Variants in FLVCR2 observed in about 807,000 individuals in gnomAD.
The protein encoded by FLVCR2 is FLVCR choline and putative heme transporter 2.
Under a neutral mutation model 48.9 loss-of-function variants are expected in FLVCR2, and 38 were observed. The ratio of observed to expected loss-of-function variants is 0.78; its 90% CI spans 0.60 to 1.02. FLVCR2 has a LOEUF of 1.02. FLVCR2 is among the 50% of genes least tolerant of loss of function. The probability of loss-of-function intolerance (pLI) is 0.00; values close to 1 mark genes in which losing one functional copy is unlikely to be tolerated. For missense variants in FLVCR2, 664 were observed against 663.3 expected, an observed-to-expected ratio of 1.00 and a Z score of -0.01; for synonymous variants, 255 against 257.0, an observed-to-expected ratio of 0.99 and a Z score of 0.07.
At chr14:75,587,715 A>T (rs10133560) in intron 1 of FLVCR2, among the ~76,000 whole-genome samples, 116,457 of 152,150 alleles carry the variant, frequency 0.77, 45,553 homozygotes, top group African/African-American at 0.94. Flanking sequence ...GGGTTTTAAG[A>T]GATATGCACA....
intron 1 of FLVCR2, among the ~76,000 whole-genome samples, chr14:75,596,919 A>G (rs1165039875): frequency 1.3e-5 from 2 of 151,814 alleles, no homozygotes; most frequent in Admixed American, 1.3e-4. Context: ...TGTTTTTTAA[A>G]TGCTGGTAAC....
At chr14:75,619,194 T>C (rs1436224218) in intron 1 of FLVCR2, among the ~76,000 whole-genome samples, 1 of 152,046 alleles carries the variant, frequency 6.6e-6, no homozygotes, top group Non-Finnish European at 1.5e-5. Context: ...GCCACTGCAC[T>C]CCGTCCTGGT....
chr14:75,613,612 C>G (rs533122295), intron 1 of FLVCR2, among the ~76,000 whole-genome samples: 1 of 152,060 alleles, frequency 6.6e-6, no homozygotes, highest in African/African-American at 2.4e-5. Context: ...AGTGCAGTGG[C>G]ACATCTTGGC....
At chr14:75,598,073 G>T (rs1462477513) in intron 1 of FLVCR2, among the ~76,000 whole-genome samples, 4 of 151,510 alleles carry the variant, frequency 2.6e-5, no homozygotes, top group African/African-American at 4.9e-5. Context: ...TTGAACTCCT[G>T]GCCTCAAGTT....
At chr14:75,623,475 A>G (rs1160196742) in intron 2 of FLVCR2, among the ~76,000 whole-genome samples, 1 of 152,064 alleles carries the variant, frequency 6.6e-6, no homozygotes, top group African/African-American at 2.4e-5. Flanking sequence ...CTAATACTTG[A>G]AAGTTCCACC....
chr14:75,635,067 C>A, intron 5 of FLVCR2, 54 bp downstream of exon 5: 1 of 1,178,306 alleles, frequency 8.5e-7, no homozygotes, highest in African/African-American at 1.5e-5. Context: ...TTTGAAATGA[C>A]ATATTCATAA....
At chr14:75,605,583 A>T in intron 1 of FLVCR2, 1 of 1,536,120 alleles carries the variant, frequency 6.5e-7, no homozygotes, top group Non-Finnish European at 8.7e-7. Context: ...GAGCGCAGAT[A>T]ACAGCAGCAC....
chr14:75,645,435 G>T (rs1566799445), intron 9 of FLVCR2, among the ~76,000 whole-genome samples: 1 of 152,158 alleles, frequency 6.6e-6, no homozygotes, highest in Non-Finnish European at 1.5e-5. Flanking sequence ...CAGGTTGGCA[G>T]TATGTACCTA....
chr14:75,616,126 A>G (rs1168769693), intron 1 of FLVCR2, among the ~76,000 whole-genome samples: 1 of 151,308 alleles, frequency 6.6e-6, no homozygotes, highest in Non-Finnish European at 1.5e-5. Flanking sequence ...ACCACTTGAG[A>G]CCAGCCTAGG....
intron 1 of FLVCR2, among the ~76,000 whole-genome samples, chr14:75,591,756 A>AAGC (rs1888886305): frequency 6.8e-6 from 1 of 148,064 alleles, no homozygotes; most frequent in Non-Finnish European, 1.5e-5. Context: ...TGGCTCCCCC[A>AAGC]CATGGCAGGT....
intron 1 of FLVCR2, among the ~76,000 whole-genome samples, chr14:75,608,972 C>A (rs1462596502): frequency 6.6e-6 from 1 of 152,166 alleles, no homozygotes; most frequent in Non-Finnish European, 1.5e-5. Flanking sequence ...TGAATTGCAT[C>A]CCCTCCAGCC....
intron 6 of FLVCR2, among the ~76,000 whole-genome samples, chr14:75,639,986 C>T (rs1043592142): frequency 3.3e-5 from 5 of 152,094 alleles, no homozygotes; most frequent in South Asian, 2.1e-4. Flanking sequence ...TTGCCGGGTG[C>T]GGTGGCTTAA....
chr14:75,622,009 T>C (rs1229023043), intron 1 of FLVCR2, 70 bp from the exon 2 acceptor site: 2 of 1,475,934 alleles, frequency 1.4e-6, no homozygotes, highest in Non-Finnish European at 1.9e-6. Flanking sequence ...TTATTAGGAA[T>C]CTCTTTACAT....
chr14:75,633,504 G>T (rs1890094831), intron 3 of FLVCR2, 125 bp from the exon 4 acceptor site: 2 of 801,466 alleles, frequency 2.5e-6, no homozygotes, highest in Admixed American at 3.5e-5. Flanking sequence ...TCTTCTCTGA[G>T]GATACTGCTC....
At chr14:75,635,060 G>C in intron 5 of FLVCR2, 47 bp downstream of exon 5, 1 of 1,228,574 alleles carries the variant, frequency 8.1e-7, no homozygotes, top group Non-Finnish European at 1.2e-6. Flanking sequence ...CCTGTTTTTT[G>C]AAATGACATA....
At chr14:75,622,418 T>C (rs1308871234) in intron 2 of FLVCR2, among the ~76,000 whole-genome samples, 198 bp downstream of exon 2, 1 of 152,232 alleles carries the variant, frequency 6.6e-6, no homozygotes, top group Non-Finnish European at 1.5e-5. Context: ...CCTATGCACT[T>C]TGTTAGTGGC....
At chr14:75,628,240 G>A (rs1431409647) in intron 3 of FLVCR2, among the ~76,000 whole-genome samples, 1 of 151,916 alleles carries the variant, frequency 6.6e-6, no homozygotes, top group Non-Finnish European at 1.5e-5. Context: ...TCAGCCTCCC[G>A]AGTAGCTGGG....
chr14:75,592,819 C>G (rs566066520), intron 1 of FLVCR2, among the ~76,000 whole-genome samples: 2 of 151,842 alleles, frequency 1.3e-5, no homozygotes, highest in Non-Finnish European at 2.9e-5. Flanking sequence ...TGAAACCCCA[C>G]CTTTAAAAAG....
chr14:75,579,906 G>A lies in FLVCR2; in HGVS notation c.669+265G>A, dbSNP rs983697491. 7.2e-5 allele frequency among the ~76,000 whole-genome samples: 11 copies of A among 152,310 alleles called. 1 individual carries two copies. Among genetic ancestry groups the A allele is most frequent in the Non-Finnish European group, 1.2e-4 (8 of 68,026 alleles). ...ACTATACCTTCGCTGTGTCGTTCTC[G>A]AACCTGTGTCAGTCCACCAACTTAG... On this transcript the variant is annotated intron_variant, in intron 1 of 9. Coordinates refer to ENST00000238667, the MANE Select transcript of FLVCR2 (RefSeq NM_017791.3).
Sources: gnomAD v4.1 joint callset for allele counts (sites outside exome capture counted in the v4.1 genomes callset) on GRCh38, gnomAD v4.1.1 for gene constraint, MANE v1.5 for transcripts, NCBI Gene and HGNC (gene_info 2026-07-23, HGNC 2026-07-21) for gene names.